NOTCH2: variants seen among roughly 807,000 people sequenced by gnomAD.
NOTCH2 encodes neurogenic locus notch homolog protein 2.
Under a neutral mutation model 235.8 loss-of-function variants are expected in NOTCH2, and 29 were observed. The observed-to-expected ratio is 0.12, with a 90% CI of 0.09 to 0.17. The LOEUF (loss-of-function observed/expected upper bound fraction) is 0.17, where lower values mean the gene tolerates loss of function less well. NOTCH2 is among the 10% of genes least tolerant of loss of function. NOTCH2 has a pLI of 1.00. For synonymous variants in NOTCH2, 1,086 were observed against 1,141.5 expected (o/e 0.95, Z 0.98); for missense variants, 2,285 against 3,150.2 (o/e 0.73, Z 6.57).
chr1:119,922,915 T>A, intron 26 of NOTCH2, 137 bp from the exon 27 acceptor site: 1 of 1,020,220 alleles, frequency 9.8e-7, no homozygotes. Flanking sequence ...ACCTCTGGGA[T>A]GCTGCCTTAA....
rs1649889374 is a variant in NOTCH2 at position 119,937,291 on chromosome 1, G to A, written c.3513C>T (p.Tyr1171=). 1.2e-6 allele frequency: 2 copies of A among 1,613,286 alleles called. No individual in the cohort carries two copies. The highest frequency in any genetic ancestry group is 1.7e-5 in the Admixed American group (1 of 60,000). ...GATCSDFIGG[Y]RCECVPGYQG... The stretch of plus-strand genomic sequence containing the variant: ...TGCTCAGTGTCCTCACCTCGCATCT[G>A]TATCCACCAATGAAGTCACTGCATG... The change falls in exon 21 of 34, where the codon TAC becomes TAT. Residue 1171 remains tyrosine (Y), a synonymous_variant. Coordinates refer to ENST00000256646, the MANE Select transcript of NOTCH2 (RefSeq NM_024408.4).
intron 3 of NOTCH2, among the ~76,000 whole-genome samples, chr1:120,002,135 C>G (rs1220715174): frequency 6.6e-6 from 1 of 151,634 alleles, no homozygotes. Context: ...TTCCTGTTCC[C>G]GCAACATTAA....
chr1:120,069,050 A>C (rs1243824852), intron 1 of NOTCH2: 11 of 1,449,788 alleles, frequency 7.6e-6, no homozygotes, highest in Non-Finnish European at 9.2e-6. Flanking sequence ...CACTACGAAA[A>C]AGGAGTTTCT....
At chr1:119,957,883 C>CACACACACA (rs1491347411) in intron 12 of NOTCH2, among the ~76,000 whole-genome samples, 14 of 143,532 alleles carry the variant, frequency 9.8e-5, no homozygotes, top group Non-Finnish European at 2.1e-4. Flanking sequence ...CACACACACA[C>CACACACACA]AACAGGCCCC....
At chr1:119,981,857 A>G (rs1651825681) in intron 5 of NOTCH2, among the ~76,000 whole-genome samples, 1 of 152,152 alleles carries the variant, frequency 6.6e-6, no homozygotes. Context: ...TCCTCCATGT[A>G]GAATATAAAA....
At position 119,937,858 on chromosome 1, in the gene NOTCH2, T is replaced by C; in HGVS notation, c.3336A>G (p.Arg1112=). Residue 1112 remains arginine, a splice_region_variant and synonymous_variant, in exon 20 of 34, where the codon AGA becomes AGG. Transcript: ENST00000256646. Reference sequence around the variant, plus strand: ...TGAGCCCAAGGGAGCAAAGCTTACCTCTCCTGGAGGCTGCTATGTCACAAG... The same window carrying C: ...TGAGCCCAAGGGAGCAAAGCTTACCCCTCCTGGAGGCTGCTATGTCACAAG... ...NVSCDIAASR[R]GVLVEHLCQH... The C allele has an allele frequency of 1.1e-5, 17 of 1,613,966 alleles. No individual in the cohort carries two copies. The highest frequency in any genetic ancestry group is 1.4e-5 in the Non-Finnish European group (17 of 1,180,012).
At chr1:119,945,136 G>A (rs782330096) in intron 17 of NOTCH2, among the ~76,000 whole-genome samples, 31 of 152,054 alleles carry the variant, frequency 2.0e-4, no homozygotes, top group Non-Finnish European at 3.2e-4. Context: ...GAAGTGGTAC[G>A]ATTGAAGGTA....
At chr1:119,941,165 A>G (rs587622426) in intron 18 of NOTCH2, among the ~76,000 whole-genome samples, 2 of 152,368 alleles carry the variant, frequency 1.3e-5, no homozygotes, top group East Asian at 3.9e-4. Context: ...AAATGAAACA[A>G]AACTCCCAGA....
chr1:120,040,853 C>T (rs1478034283), intron 1 of NOTCH2, among the ~76,000 whole-genome samples: 14 of 149,656 alleles, frequency 9.4e-5, no homozygotes, highest in South Asian at 6.4e-4. Context: ...CTGGCTAACA[C>T]GGTGAAACCA....
chr1:119,911,791 C>A lies in NOTCH2; in HGVS notation c.*3515G>T. ...CATTTCCATTGGAAGGCACCTTGTC[C>A]CTGAGCAACCATCTGTTTGTCACCA... On this transcript the variant is annotated 3_prime_UTR_variant, in exon 34 of 34. Transcript: ENST00000256646. 4.3e-6 allele frequency: 1 copy of A among 233,254 alleles called. No individual in the cohort carries two copies. The allele number at this position is 233,254 out of a possible 1,614,324, so 14.4% of individuals were successfully genotyped here.
chr1:119,929,363 A>G, intron 22 of NOTCH2, 151 bp from the exon 23 acceptor site: 1 of 706,478 alleles, frequency 1.4e-6, no homozygotes, highest in Non-Finnish European at 2.6e-6. Flanking sequence ...GGCAAAGCAC[A>G]CTCTTTATTC....
rs2101148333 is a variant in NOTCH2, at chr1:119,969,625, C to T, written c.994G>A (p.Gly332Arg). The T allele has an allele frequency of 6.2e-7, 1 of 1,614,098 alleles. No individual in the cohort carries two copies. Among genetic ancestry groups the T allele is most frequent in the Non-Finnish European group, 8.5e-7 (1 of 1,179,998 alleles). Residue 332 changes from glycine (G) to arginine (R), a missense_variant, in exon 6 of 34, where the codon GGA becomes AGA. Gly to Arg is a moderately radical substitution (Grantham distance 125, BLOSUM62 -2). Transcript: ENST00000256646. ...TCAATGTTCTCACTGCAGTCATCTC[C>T]ACTCCAGCCGTTGACACATACACAG... ...YGCVCVNGWS[G>R]DDCSENIDDC...
chr1:119,991,818 C>T (rs1652256718), intron 4 of NOTCH2, among the ~76,000 whole-genome samples: 1 of 103,718 alleles, frequency 9.6e-6, no homozygotes, highest in Admixed American at 8.8e-5. Context: ...AAGAGCGATG[C>T]TCCGTCTCAA....
intron 15 of NOTCH2, among the ~76,000 whole-genome samples, chr1:119,949,567 T>C (rs1650389717): frequency 6.6e-6 from 1 of 151,976 alleles, no homozygotes; most frequent in Non-Finnish European, 1.5e-5. Flanking sequence ...TTTATATTTT[T>C]AGTAGAGACG....
chr1:119,955,303 G>C (rs1650646563), intron 12 of NOTCH2, 71 bp from the exon 13 acceptor site: 1 of 1,491,330 alleles, frequency 6.7e-7, no homozygotes, highest in South Asian at 1.1e-5. Context: ...TATAAGACAC[G>C]TTATGTTGAC....
At chr1:119,926,470 C>A in intron 24 of NOTCH2, 29 bp downstream of exon 24, 2 of 1,459,028 alleles carry the variant, frequency 1.4e-6, no homozygotes, top group East Asian at 2.3e-5. Context: ...AGACAATGCC[C>A]CTTCTTAGAT....
chr1:119,960,467 G>C (rs1303876896), intron 11 of NOTCH2, among the ~76,000 whole-genome samples: 10 of 148,830 alleles, frequency 6.7e-5, no homozygotes, highest in South Asian at 2.2e-4. Context: ...AAATATATTT[G>C]TAATATATTT....
intron 2 of NOTCH2, among the ~76,000 whole-genome samples, chr1:120,025,950 G>A (rs1215049955): frequency 7.4e-6 from 1 of 136,032 alleles, no homozygotes; most frequent in Non-Finnish European, 1.5e-5. Context: ...GTAGGACAAG[G>A]GAAAGAATAA....
intron 12 of NOTCH2, among the ~76,000 whole-genome samples, chr1:119,956,915 A>G (rs1377497625): frequency 2.6e-5 from 4 of 152,232 alleles, no homozygotes; most frequent in African/African-American, 9.6e-5. Context: ...GAGCATGAGG[A>G]AAGTCCAGTG....
Sources: gnomAD v4.1 joint callset for allele counts (sites outside exome capture counted in the v4.1 genomes callset) on GRCh38, gnomAD v4.1.1 for gene constraint, MANE v1.5 for transcripts, NCBI Gene and HGNC (gene_info 2026-07-23, HGNC 2026-07-21) for gene names.